Variants in IGSF3 observed in about 807,000 individuals in gnomAD.
IGSF3 encodes the protein glu-Trp-Ile EWI motif-containing protein 3.
IGSF3 carries 23 observed loss-of-function variants against 114.4 expected under a neutral mutation model. The observed-to-expected ratio is 0.20, with a 90% CI of 0.14 to 0.28. The LOEUF is 0.28. IGSF3 is among the 10% of genes least tolerant of loss of function. The probability of loss-of-function intolerance (pLI) is 1.00; values close to 1 mark genes in which losing one functional copy is unlikely to be tolerated. For missense variants in IGSF3, 1,172 were observed against 1,591.5 expected (o/e 0.74, Z 4.48); for synonymous variants, 571 against 645.2 (o/e 0.88, Z 1.74).
rs556615190 is a variant in IGSF3, at chr1:116,664,227, T to C, written c.43+2057A>G. Among the ~76,000 whole-genome samples, 1 of 152,342 alleles carries C rather than the reference T, an allele frequency of 6.6e-6. No individual in the cohort carries two copies. Among genetic ancestry groups the C allele is most frequent in the East Asian group, 1.9e-4 (1 of 5,190 alleles). Reference sequence around the variant, plus strand: ...CAGCCTGCATCTGGATGTCTGCCACTGTGCCCCTTTAAAGCCACCTTGATG... The same window carrying C: ...CAGCCTGCATCTGGATGTCTGCCACCGTGCCCCTTTAAAGCCACCTTGATG... On this transcript the variant is annotated intron_variant, in intron 2 of 10. Transcript: ENST00000369486. The surrounding 1 kb of genome is among the most constrained non-coding windows in gnomAD (Gnocchi z 4.6).
rs1648795176 is a variant in IGSF3 at position 116,655,200 on chromosome 1, T to C, written c.43+11084A>G. On this transcript the variant is annotated intron_variant, in intron 2 of 10. Coordinates refer to ENST00000369486, the MANE Select transcript of IGSF3 (RefSeq NM_001007237.3). This position sits in a 1 kb window ranked among gnomAD's most constrained non-coding sequence, Gnocchi z 4.3. Reference sequence around the variant, plus strand: ...GAGATAACAGAACAATGAATGCTTGTAGCAGGCACTCGGTTATTTGTTGAA... The same window carrying C: ...GAGATAACAGAACAATGAATGCTTGCAGCAGGCACTCGGTTATTTGTTGAA... 1.3e-5 allele frequency among the ~76,000 whole-genome samples: 2 copies of C among 152,376 alleles called. No individual in the cohort carries two copies. Among genetic ancestry groups the C allele is most frequent in the Admixed American group, 1.3e-4 (2 of 15,308 alleles).
At position 116,659,824 on chromosome 1, in the gene IGSF3, C is replaced by T. The variant is rs138799467; in HGVS notation, c.43+6460G>A. On this transcript the variant is annotated intron_variant, in intron 2 of 10. Coordinates refer to ENST00000369486, the MANE Select transcript of IGSF3 (RefSeq NM_001007237.3). The stretch of plus-strand genomic sequence containing the variant: ...TAAGATGAGGTCTTGTTATATTGCC[C>T]AGGCTGGTTGGTCTCAAACTCCTGA... Among the ~76,000 whole-genome samples the T allele has an allele frequency of 1.5e-3, 221 of 152,276 alleles. 2 individuals are homozygous for T. The highest frequency in any genetic ancestry group is 5.1e-3 in the African/African-American group (212 of 41,538).
rs187699571 is a variant in IGSF3 at position 116,657,953 on chromosome 1, T to A, written c.43+8331A>T. On this transcript the variant is annotated intron_variant, in intron 2 of 10. Coordinates refer to ENST00000369486, the MANE Select transcript of IGSF3 (RefSeq NM_001007237.3). The surrounding 1 kb of genome is among the most constrained non-coding windows in gnomAD (Gnocchi z 4.2). ...AAGAGAAGGCCTGGACACCTGAAAG[T>A]TGACGGGAAGCAGGCATTACTCATT... is the stretch of plus-strand genomic sequence containing the variant. 3.4e-3 allele frequency among the ~76,000 whole-genome samples: 510 copies of A among 152,180 alleles called. 3 individuals carry two copies. The highest frequency in any genetic ancestry group is 0.012 in the African/African-American group (491 of 41,542).
In IGSF3 at chr1:116,603,519, C is replaced by T. The variant is rs1660678300; in HGVS notation, c.1624+105G>A. 1 of 1,095,178 alleles carries T rather than the reference C, an allele frequency of 9.1e-7. No homozygotes were observed. The highest frequency in any genetic ancestry group is 1.3e-6 in the Non-Finnish European group (1 of 746,724). 67.8% of individuals were successfully genotyped at this position (1,095,178 alleles called of 1,614,324 possible). On this transcript the variant is annotated intron_variant, in intron 6 of 10. Transcript: ENST00000369486. This position sits in a 1 kb window ranked among gnomAD's most constrained non-coding sequence, Gnocchi z 7.1. ...TCAAACTCTATAGGTAAAAGACTGG[C>T]CATAGTTTCCTGCTAAAACTCTGAC...
At position 116,585,923 on chromosome 1, in the gene IGSF3, T is replaced by C. The variant is rs1173892949; in HGVS notation, c.2441-871A>G. 1.3e-5 allele frequency among the ~76,000 whole-genome samples: 2 copies of C among 152,104 alleles called. No individual in the cohort carries two copies. Reference sequence around the variant, plus strand: ...GAAAAAGAAAAAGAAAAAGAAAAGATTGCTACTGATGGAACTGGGTGCTTT... The same window carrying C: ...GAAAAAGAAAAAGAAAAAGAAAAGACTGCTACTGATGGAACTGGGTGCTTT... On this transcript the variant is annotated intron_variant, in intron 8 of 10. Transcript: ENST00000369486. This position sits in a 1 kb window ranked among gnomAD's most constrained non-coding sequence, Gnocchi z 4.9.
chr1:116,651,724 G>A lies in IGSF3; in HGVS notation c.43+14560C>T, dbSNP rs1648642867. ...CTTAATATTTACTCTATTCCAAGCA[G>A]TAGGCTAAGGAAGGATTTGGGACAC... On this transcript the variant is annotated intron_variant, in intron 2 of 10. Transcript: ENST00000369486. This position sits in a 1 kb window ranked among gnomAD's most constrained non-coding sequence, Gnocchi z 4.4. Among the ~76,000 whole-genome samples, 1 of 152,154 alleles carries A rather than the reference G, an allele frequency of 6.6e-6. No homozygotes were observed.
Position 116,649,093 on chromosome 1 carries a change from A to C in IGSF3, c.43+17191T>G, listed in dbSNP as rs1231022273. ...AGCTGTCAGCACTGCCACCCATTAC[A>C]GCTTCAGATCTCGCTTCTACCAGGA... On this transcript the variant is annotated intron_variant, in intron 2 of 10. Transcript: ENST00000369486. This position sits in a 1 kb window ranked among gnomAD's most constrained non-coding sequence, Gnocchi z 4.5. Among the ~76,000 whole-genome samples the C allele has an allele frequency of 2.0e-5, 3 of 152,148 alleles. No individual in the cohort carries two copies. Among genetic ancestry groups the C allele is most frequent in the Admixed American group, 6.5e-5 (1 of 15,280 alleles).
chr1:116,579,688 C>CCT lies in IGSF3; in HGVS notation c.3037_3038insAG (p.Arg1013LysfsTer23), dbSNP rs1659516953. ...GTCGTCCTCCTCCTCCTCCTCCTCC[C>CCT]TTTCCTCTTCCTGTTCTTCCAGGCC... On this transcript the variant is annotated frameshift_variant, in exon 10 of 11. Coordinates refer to ENST00000369486, the MANE Select transcript of IGSF3 (RefSeq NM_001007237.3). LOFTEE classifies it high-confidence loss of function. The surrounding 1 kb of genome is among the most constrained non-coding windows in gnomAD (Gnocchi z 6.4). The CCT allele has an allele frequency of 6.7e-7, 1 of 1,500,252 alleles. No individual in the cohort carries two copies. Among genetic ancestry groups the CCT allele is most frequent in the Non-Finnish European group, 9.2e-7 (1 of 1,083,428 alleles). 92.9% of individuals were successfully genotyped at this position (1,500,252 alleles called of 1,614,324 possible).
intron 2 of IGSF3, among the ~76,000 whole-genome samples, chr1:116,643,113 C>T (rs940783663): frequency 2.6e-5 from 4 of 152,176 alleles, no homozygotes; most frequent in African/African-American, 9.7e-5. Context: ...GTGCAGGCTC[C>T]GCTGTTGAGT....
rs752995151 is a variant in IGSF3, at chr1:116,632,175, C to G, written c.44-15718G>C. ...TAGAAAATGATTCCATTAATGAGGG[C>G]TCTGATGATATAGTTGTGGAGGTTA... is the stretch of plus-strand genomic sequence containing the variant. On this transcript the variant is annotated intron_variant, in intron 2 of 10. Coordinates refer to ENST00000369486, the MANE Select transcript of IGSF3 (RefSeq NM_001007237.3). The surrounding 1 kb of genome is among the most constrained non-coding windows in gnomAD (Gnocchi z 5.1). Among the ~76,000 whole-genome samples the G allele has an allele frequency of 5.3e-5, 8 of 152,158 alleles. No homozygotes were observed. Among genetic ancestry groups the G allele is most frequent in the Non-Finnish European group, 1.2e-4 (8 of 68,026 alleles).
chr1:116,646,251 A>G (rs1648364174), intron 2 of IGSF3, among the ~76,000 whole-genome samples: 1 of 152,132 alleles, frequency 6.6e-6, no homozygotes, highest in African/African-American at 2.4e-5. Context: ...AGTTCCTGTC[A>G]CTTCCCACAG....
rs1372620822 is a variant in IGSF3 at position 116,611,044 on chromosome 1, C to G, written c.833-2713G>C. Among the ~76,000 whole-genome samples, 4 of 152,230 alleles carry G rather than the reference C, an allele frequency of 2.6e-5. No individual in the cohort carries two copies. In the South Asian group the frequency reaches 6.2e-4, roughly 24 times the overall value. ...CTAGACAGTTGGACCCCTCCTTCCA[C>G]TTGCTCTTTATTCTTTTGCCTCTGG... is the stretch of plus-strand genomic sequence containing the variant. On this transcript the variant is annotated intron_variant, in intron 4 of 10. Coordinates refer to ENST00000369486, the MANE Select transcript of IGSF3 (RefSeq NM_001007237.3).
intron 1 of IGSF3, 129 bp from the exon 2 acceptor site, chr1:116,667,085 C>A: frequency 2.7e-6 from 1 of 374,032 alleles, no homozygotes; most frequent in Middle Eastern, 6.9e-4. Flanking sequence ...GCATTCTGAC[C>A]TTGGGCAAGT....
At position 116,585,029 on chromosome 1, in the gene IGSF3, C is replaced by T. The variant is rs1407011873; in HGVS notation, c.2464G>A (p.Ala822Thr). The T allele has an allele frequency of 6.5e-7, 1 of 1,545,698 alleles. No individual in the cohort carries two copies. The highest frequency in any genetic ancestry group is 2.3e-5 in the East Asian group (1 of 44,020). The change falls in exon 9 of 11, where the codon GCC (alanine) becomes ACC (threonine). Residue 822 changes from alanine to threonine, a missense_variant. Ala to Thr is a moderately conservative substitution (Grantham distance 58). Coordinates refer to ENST00000369486, the MANE Select transcript of IGSF3 (RefSeq NM_001007237.3). The surrounding 1 kb of genome is among the most constrained non-coding windows in gnomAD (Gnocchi z 4.9). Reference sequence around the variant, plus strand: ...TCCAGAACCGACAGGTTCCCCTGGGCTTGGCTGAGCCTCAGGCGGCTGTCT... The same window carrying T: ...TCCAGAACCGACAGGTTCCCCTGGGTTTGGCTGAGCCTCAGGCGGCTGTCT... ...QPDSRLRLSQ[A>T]QGNLSVLETR... is the part of the protein sequence containing the mutation.
Position 116,579,626 on chromosome 1 carries a change from G to A in IGSF3, c.3100C>T (p.Leu1034=), listed in dbSNP as rs1659505505. 6.2e-7 allele frequency: 1 copy of A among 1,613,862 alleles called. No individual in the cohort carries two copies. Among genetic ancestry groups the A allele is most frequent in the African/African-American group, 1.3e-5 (1 of 74,878 alleles). Residue 1034 remains leucine, a synonymous_variant, in exon 10 of 11, where the codon CTG becomes TTG. Transcript: ENST00000369486. This position sits in a 1 kb window ranked among gnomAD's most constrained non-coding sequence, Gnocchi z 6.4. ...DDDPTERTAL[L]SVGPDAVFGP... is the part of the protein sequence containing the mutation. ...AAGACAGCATCTGGGCCCACGCTCAGCAGGGCCGTCCGCTCTGTTGGGTCG... is the reference window on the plus strand; with the variant it reads ...AAGACAGCATCTGGGCCCACGCTCAACAGGGCCGTCCGCTCTGTTGGGTCG...
Position 116,656,073 on chromosome 1 carries a change from T to C in IGSF3, c.43+10211A>G, listed in dbSNP as rs538131358. The stretch of plus-strand genomic sequence containing the variant: ...AATCAGTTCTGATATAGCCATAAAA[T>C]TAAGCCTGAAAAAATAGTGAAGTAA... On this transcript the variant is annotated intron_variant, in intron 2 of 10. Coordinates refer to ENST00000369486, the MANE Select transcript of IGSF3 (RefSeq NM_001007237.3). Among the ~76,000 whole-genome samples the C allele has an allele frequency of 7.1e-4, 108 of 152,212 alleles. 1 individual carries two copies. The highest frequency in any genetic ancestry group is 2.3e-3 in the African/African-American group (96 of 41,530).
Position 116,596,362 on chromosome 1 carries a change from T to C in IGSF3, c.2029+3579A>G, listed in dbSNP as rs185722248. 1.3e-5 allele frequency among the ~76,000 whole-genome samples: 2 copies of C among 152,264 alleles called. No homozygotes were observed. The highest frequency in any genetic ancestry group is 1.9e-4 in the East Asian group (1 of 5,182). On this transcript the variant is annotated intron_variant, in intron 7 of 10. Transcript: ENST00000369486. This position sits in a 1 kb window ranked among gnomAD's most constrained non-coding sequence, Gnocchi z 4.1. ...ACACCAGAGCAGGGCTAAGAATCTA[T>C]GTTTTGAGGGGCAAGGTACGCAGGG...
rs1252669609 is a variant in IGSF3 at position 116,612,417 on chromosome 1, A to ATGTAGATAG, written c.832+1339_832+1347dup. Reference sequence around the variant, plus strand: ...GCCCTAGAAGCTTTGCTTGAAAAAAATGTAGATAGCAGAAGAATCACCTGG... The same window carrying ATGTAGATAG: ...GCCCTAGAAGCTTTGCTTGAAAAAAATGTAGATAGTGTAGATAGCAGAAGAATCACCTGG... On this transcript the variant is annotated intron_variant, in intron 4 of 10. Coordinates refer to ENST00000369486, the MANE Select transcript of IGSF3 (RefSeq NM_001007237.3). This position sits in a 1 kb window ranked among gnomAD's most constrained non-coding sequence, Gnocchi z 4.1. 6.6e-6 allele frequency among the ~76,000 whole-genome samples: 1 copy of ATGTAGATAG among 152,198 alleles called. No homozygotes were observed. The highest frequency in any genetic ancestry group is 1.5e-5 in the Non-Finnish European group (1 of 68,032).
At chr1:116,599,771 T>C (rs1660493246) in intron 7 of IGSF3, among the ~76,000 whole-genome samples, 170 bp downstream of exon 7, 1 of 152,116 alleles carries the variant, frequency 6.6e-6, no homozygotes, top group Non-Finnish European at 1.5e-5. Flanking sequence ...GGAAAGGAAA[T>C]ACAAGTGTCC....
Sources: gnomAD v4.1 joint callset for allele counts (sites outside exome capture counted in the v4.1 genomes callset) on GRCh38, gnomAD v4.1.1 for gene constraint, Gnocchi (gnomAD v3.1) non-coding constraint, MANE v1.5 for transcripts, NCBI Gene and HGNC (gene_info 2026-07-23, HGNC 2026-07-21) for gene names.